Variants in NAV3 observed in about 807,000 individuals in gnomAD.
The protein encoded by NAV3 is pore membrane and/or filament interacting like protein 1.
NAV3 carries 87 observed loss-of-function variants against 244.7 expected under a neutral mutation model. The observed-to-expected ratio is 0.36, with a 90% CI of 0.30 to 0.42. The LOEUF (loss-of-function observed/expected upper bound fraction) is 0.42. Among genes scored for constraint, NAV3 ranks in the 20% least tolerant of loss-of-function variants. The pLI is 1.00. For missense variants in NAV3, 2,663 were observed against 2,893.3 expected, an observed-to-expected ratio of 0.92 and a Z score of 1.83; for synonymous variants, 1,126 against 1,042.2, an observed-to-expected ratio of 1.08 and a Z score of -1.55.
At chr12:77,667,489 A>G (rs898927440) in intron 2 of NAV3, among the ~76,000 whole-genome samples, 5 of 151,674 alleles carry the variant, frequency 3.3e-5, no homozygotes, top group Admixed American at 1.3e-4. Context: ...GCTTCCCCCC[A>G]CTTCCCTGGG....
chr12:78,137,208 T>TC lies in NAV3; in HGVS notation c.4476dup (p.Gly1493ArgfsTer21). Reference sequence around the variant, plus strand: ...CAACAAATTTGTCTCAGTTTAACCTTCCCGGGCCCAGCATGATGCGCTCAA... The same window carrying TC: ...CAACAAATTTGTCTCAGTTTAACCTTCCCCGGGCCCAGCATGATGCGCTCAA... On this transcript the variant is annotated frameshift_variant, in exon 19 of 40. Transcript: ENST00000397909. LOFTEE classifies it high-confidence loss of function. 1 of 1,612,974 alleles carries TC rather than the reference T, an allele frequency of 6.2e-7. No individual in the cohort carries two copies. Among genetic ancestry groups the TC allele is most frequent in the Non-Finnish European group, 8.5e-7 (1 of 1,179,402 alleles).
chr12:77,715,204 A>G (rs1312203913), intron 2 of NAV3, among the ~76,000 whole-genome samples: 1 of 151,996 alleles, frequency 6.6e-6, no homozygotes, highest in South Asian at 2.1e-4. Flanking sequence ...ATAATTTGAC[A>G]ATGAAATTTA....
At chr12:77,869,411 A>G (rs1003810402) in intron 1 of NAV3, among the ~76,000 whole-genome samples, 27 of 152,240 alleles carry the variant, frequency 1.8e-4, no homozygotes, top group Admixed American at 3.3e-4. Flanking sequence ...ATTCAATGCA[A>G]TCAATCTTAT....
rs760821087 is a variant in NAV3, at chr12:78,007,115, G to A, written c.1577G>A (p.Gly526Asp). ...KKESLIPSSS[G>D]IPKPGSKVPT... ...GAAAGCTTAATTCCGTCTTCCAGTGGTATTCCAAAACCAGGCTCTAAAGTT... is the reference window on the plus strand; with the variant it reads ...GAAAGCTTAATTCCGTCTTCCAGTGATATTCCAAAACCAGGCTCTAAAGTT... Residue 526 changes from glycine to aspartate, a missense_variant, in exon 8 of 40, where the codon GGT (glycine) becomes GAT (aspartate). Physicochemically the swap from Gly to Asp is moderately conservative, Grantham distance 94. Transcript: ENST00000397909. 16 of 1,613,988 alleles carry A rather than the reference G, an allele frequency of 9.9e-6. 1 individual carries two copies. In the South Asian group the frequency reaches 1.8e-4, roughly 18 times the overall value.
chr12:77,812,733 T>A (rs936168296), intron 2 of NAV3, among the ~76,000 whole-genome samples: 1 of 152,080 alleles, frequency 6.6e-6, no homozygotes, highest in African/African-American at 2.4e-5. Context: ...TGGTCAGGAA[T>A]TTAATTTCTA....
intron 1 of NAV3, among the ~76,000 whole-genome samples, chr12:77,841,677 A>T (rs1450553249): frequency 6.6e-6 from 1 of 152,302 alleles, no homozygotes; most frequent in East Asian, 1.9e-4. Context: ...AATGGCAGAG[A>T]TGAGTAGTCA....
chr12:77,916,587 CT>C (rs1309882565), intron 1 of NAV3, among the ~76,000 whole-genome samples: 1 of 151,976 alleles, frequency 6.6e-6, no homozygotes, highest in Non-Finnish European at 1.5e-5. Flanking sequence ...CTAATGTCTT[CT>C]TTTTTTCCTG....
chr12:77,913,501 C>G (rs888625817), intron 1 of NAV3, among the ~76,000 whole-genome samples: 1 of 152,002 alleles, frequency 6.6e-6, no homozygotes, highest in Non-Finnish European at 1.5e-5. Context: ...GGCGCAATCT[C>G]GATTCACTGC....
intron 8 of NAV3, among the ~76,000 whole-genome samples, chr12:78,013,218 G>GA (rs956697343): frequency 1.5e-4 from 23 of 152,194 alleles, no homozygotes; most frequent in African/African-American, 5.5e-4. Context: ...AGAATTGAGT[G>GA]AAAAAATCAT....
At chr12:77,634,535 A>G (rs1278587183) in intron 2 of NAV3, among the ~76,000 whole-genome samples, 2 of 152,238 alleles carry the variant, frequency 1.3e-5, no homozygotes, top group South Asian at 2.1e-4. Flanking sequence ...GTTATAAAAA[A>G]TGTTGAAAAA....
chr12:77,653,966 G>A (rs1872945758), intron 2 of NAV3, among the ~76,000 whole-genome samples: 1 of 152,034 alleles, frequency 6.6e-6, no homozygotes, highest in African/African-American at 2.4e-5. Flanking sequence ...GAGATAGTTG[G>A]GGGAGGAGCC....
At chr12:77,777,799 T>G (rs1030434787) in intron 2 of NAV3, among the ~76,000 whole-genome samples, 1 of 124,702 alleles carries the variant, frequency 8.0e-6, no homozygotes, top group East Asian at 2.6e-4. Flanking sequence ...TTTCTTTACT[T>G]TTTTTTTCTT....
chr12:77,605,699 A>G (rs1172277858), intron 2 of NAV3, among the ~76,000 whole-genome samples: 1 of 152,060 alleles, frequency 6.6e-6, no homozygotes, highest in Non-Finnish European at 1.5e-5. Flanking sequence ...AGTACATCCT[A>G]TGTGGTGGCA....
chr12:78,009,154 T>C (rs535902883), intron 8 of NAV3, among the ~76,000 whole-genome samples: 218 of 152,170 alleles, frequency 1.4e-3, no homozygotes, highest in Non-Finnish European at 2.5e-3. Flanking sequence ...CATTTGAAAA[T>C]GTAACTTTTA....
chr12:78,083,910 C>T (rs1953490798), intron 12 of NAV3, among the ~76,000 whole-genome samples: 1 of 152,072 alleles, frequency 6.6e-6, no homozygotes, highest in Non-Finnish European at 1.5e-5. Context: ...AAACAAAAAA[C>T]CTTACTTGGA....
At chr12:78,143,358 C>CGGT (rs10661027) in intron 20 of NAV3, 150,869 of 451,306 alleles carry the variant, frequency 0.33, 27,168 homozygotes, top group Admixed American at 0.53. Context: ...AGGCCAAGCG[C>CGGT]GGTGGCTCAT....
intron 23 of NAV3, among the ~76,000 whole-genome samples, chr12:78,163,657 G>A (rs1957659791): frequency 6.6e-6 from 1 of 152,084 alleles, no homozygotes. Context: ...CCCAATAGCT[G>A]CTAAAAGAAG....
chr12:77,900,798 C>G (rs921427653), intron 1 of NAV3, among the ~76,000 whole-genome samples: 1 of 152,148 alleles, frequency 6.6e-6, no homozygotes, highest in Admixed American at 6.5e-5. Context: ...CTCCAAACTG[C>G]TTTCCACGGG....
intron 1 of NAV3, among the ~76,000 whole-genome samples, chr12:77,934,922 GA>G (rs1376398161): frequency 1.3e-5 from 2 of 152,164 alleles, no homozygotes; most frequent in Admixed American, 1.3e-4. Flanking sequence ...TCAGGTTACA[GA>G]TTAGTGTGTT....
Sources: allele counts gnomAD v4.1 joint callset (sites outside exome capture counted in the v4.1 genomes callset), GRCh38; gene constraint gnomAD v4.1.1; transcripts MANE v1.5; gene names NCBI Gene and HGNC (gene_info 2026-07-23, HGNC 2026-07-21).